Variants in RNF149 observed in about 807,000 individuals in gnomAD.
RNF149 encodes E3 ubiquitin-protein ligase RNF149.
In RNF149, 21 loss-of-function variants were observed where a neutral mutation model predicts 39.0. The observed-to-expected ratio is 0.54, with a 90% CI of 0.38 to 0.77. RNF149 has a LOEUF of 0.77. Among genes scored for constraint, RNF149 ranks in the 30% least tolerant of loss-of-function variants. RNF149 has a pLI of 0.00. For missense variants in RNF149, 493 were observed against 534.9 expected (o/e 0.92, Z 0.77); for synonymous variants, 209 against 213.6 (o/e 0.98, Z 0.19).
At chr2:101,284,300 C>T (rs1328271161) in intron 5 of RNF149, among the ~76,000 whole-genome samples, 1 of 152,176 alleles carries the variant, frequency 6.6e-6, no homozygotes, top group Non-Finnish European at 1.5e-5. Flanking sequence ...AATTCAGTGG[C>T]CAGGTGCAAT....
intron 1 of RNF149, among the ~76,000 whole-genome samples, chr2:101,295,535 C>T (rs760851136): frequency 4.6e-5 from 7 of 151,902 alleles, no homozygotes; most frequent in Non-Finnish European, 1.0e-4. Context: ...GTGGTGTGCG[C>T]CTGTAATCCC....
chr2:101,298,784 C>T (rs1042670046), intron 1 of RNF149, among the ~76,000 whole-genome samples: 3 of 152,176 alleles, frequency 2.0e-5, no homozygotes, highest in African/African-American at 4.8e-5. Flanking sequence ...AGAGGCGCTT[C>T]GGGATGCAGG....
Position 101,288,996 on chromosome 2 carries a change from A to C in RNF149, c.840T>G (p.Asp280Glu). 8.9e-6 allele frequency: 14 copies of C among 1,574,836 alleles called. No homozygotes were observed. The highest frequency in any genetic ancestry group is 1.2e-5 in the Non-Finnish European group (14 of 1,146,058). ...AVCIENFKVKDIIRILPCKHI... is the reference protein window; with the variant it reads ...AVCIENFKVKEIIRILPCKHI... The stretch of plus-strand genomic sequence containing the variant: ...ACTTGCATGGCAGAATTCTAATAAT[A>C]TCCTTTACTTTGAAATTTTCAATAC... Residue 280 changes from aspartate (D) to glutamate (E), a missense_variant, in exon 4 of 7, where the codon GAT (aspartate) becomes GAG (glutamate). By Grantham distance (45) the Asp-to-Glu change is conservative. Coordinates refer to ENST00000295317, the MANE Select transcript of RNF149 (RefSeq NM_173647.4).
chr2:101,287,382 T>C (rs1451521561), intron 4 of RNF149, among the ~76,000 whole-genome samples: 4 of 152,102 alleles, frequency 2.6e-5, no homozygotes, highest in Admixed American at 6.5e-5. Flanking sequence ...AAAAGGAACA[T>C]GTTGGTTTTA....
At chr2:101,303,828 G>A (rs926101011) in intron 1 of RNF149, among the ~76,000 whole-genome samples, 1 of 151,834 alleles carries the variant, frequency 6.6e-6, no homozygotes, top group Non-Finnish European at 1.5e-5. Flanking sequence ...ATACCTCTTT[G>A]TAACCTCCCC....
chr2:101,308,031 G>C, intron 1 of RNF149, 98 bp downstream of exon 1: 1 of 1,496,732 alleles, frequency 6.7e-7, no homozygotes, highest in Non-Finnish European at 8.9e-7. Context: ...AGCCGTGCCA[G>C]GCCCGCTTCG....
rs1683544672 is a variant in RNF149, at chr2:101,303,638, T to C, written c.460+4491A>G. Among the ~76,000 whole-genome samples the C allele has an allele frequency of 1.3e-5, 2 of 152,140 alleles. 1 individual carries two copies. Among genetic ancestry groups the C allele is most frequent in the African/African-American group, 4.8e-5 (2 of 41,430 alleles). ...TTATACCTCTTATCAATAGGAGGGA[T>C]TTCTCATACCTCTTTGTAACCTCCC... On this transcript the variant is annotated intron_variant, in intron 1 of 6. Transcript: ENST00000295317.
chr2:101,279,190 G>C (rs1682479220), intron 6 of RNF149, among the ~76,000 whole-genome samples: 1 of 152,204 alleles, frequency 6.6e-6, no homozygotes, highest in Non-Finnish European at 1.5e-5. Context: ...ATACGGGGTG[G>C]GGTGGGGACA....
chr2:101,294,922 C>G lies in RNF149; in HGVS notation c.711+9G>C, dbSNP rs756950639. The G allele has an allele frequency of 1.3e-6, 2 of 1,596,362 alleles. No homozygotes were observed. Among genetic ancestry groups the G allele is most frequent in the Non-Finnish European group, 1.7e-6 (2 of 1,167,444 alleles). ...TTAAAAAGCAAAATTCAGAGTTATC[C>G]ATCATTACCTGACTTCCAATCTGAG... is the stretch of plus-strand genomic sequence containing the variant. On this transcript the variant is annotated intron_variant, in intron 2 of 6. Coordinates refer to ENST00000295317, the MANE Select transcript of RNF149 (RefSeq NM_173647.4).
Position 101,277,183 on chromosome 2 carries a change from A to C in RNF149, c.*55T>G. ...TATGTGCTAAAGTAAAAAAAATAAA[A>C]TGTCCTTTAGTTCAAGCCAAACTTC... On this transcript the variant is annotated 3_prime_UTR_variant, in exon 7 of 7. Coordinates refer to ENST00000295317, the MANE Select transcript of RNF149 (RefSeq NM_173647.4). 6.2e-7 allele frequency: 1 copy of C among 1,600,424 alleles called. No homozygotes were observed. The highest frequency in any genetic ancestry group is 8.5e-7 in the Non-Finnish European group (1 of 1,171,926).
Position 101,299,668 on chromosome 2 carries a change from C to T in RNF149, c.461-4487G>A, listed in dbSNP as rs541458293. Among the ~76,000 whole-genome samples the T allele has an allele frequency of 1.7e-3, 264 of 152,318 alleles. 1 individual carries two copies. The highest frequency in any genetic ancestry group is 6.8e-3 in the Middle Eastern group (2 of 294). On this transcript the variant is annotated intron_variant, in intron 1 of 6. Coordinates refer to ENST00000295317, the MANE Select transcript of RNF149 (RefSeq NM_173647.4). ...CCCACCTCAGTTAAAAGCTTTTACA[C>T]AGAAAACTAAACTATGCTATGATGA... is the stretch of plus-strand genomic sequence containing the variant.
At chr2:101,297,950 A>T (rs368314831) in intron 1 of RNF149, among the ~76,000 whole-genome samples, 21 of 152,344 alleles carry the variant, frequency 1.4e-4, no homozygotes, top group African/African-American at 5.1e-4. Flanking sequence ...CTGATACACT[A>T]TACTGGCAAA....
chr2:101,294,166 A>C (rs1573246003), intron 2 of RNF149, 84 bp from the exon 3 acceptor site: 1 of 745,124 alleles, frequency 1.3e-6, no homozygotes, highest in East Asian at 2.6e-5. Context: ...TATAATACAC[A>C]TAAGCATACA....
chr2:101,292,343 G>T (rs1300150988), intron 3 of RNF149, among the ~76,000 whole-genome samples: 1 of 152,088 alleles, frequency 6.6e-6, no homozygotes, highest in Non-Finnish European at 1.5e-5. Flanking sequence ...CAACTTTCAA[G>T]AAACAGGCCC....
At position 101,277,261 on chromosome 2, in the gene RNF149, G is replaced by A. The variant is rs748563357; in HGVS notation, c.1180C>T (p.Arg394Trp). 16 of 1,613,250 alleles carry A rather than the reference G, an allele frequency of 9.9e-6. No individual in the cohort carries two copies. Among genetic ancestry groups the A allele is most frequent in the African/African-American group, 4.0e-5 (3 of 74,870 alleles). The stretch of plus-strand genomic sequence containing the variant: ...TGCTAGGAGATGGGTCCTCCATGCC[G>A]AGAGTCACTCCTGCCGGCTTCTGCA... ...ALLEAGRSDS[R>W]HGGPIS Residue 394 changes from arginine to tryptophan, a missense_variant, in exon 7 of 7, where the codon CGG becomes TGG. Coordinates refer to ENST00000295317, the MANE Select transcript of RNF149 (RefSeq NM_173647.4).
At position 101,286,186 on chromosome 2, in the gene RNF149, A is replaced by T; in HGVS notation, c.864-9T>A. 3 of 1,490,784 alleles carry T rather than the reference A, an allele frequency of 2.0e-6. No individual in the cohort carries two copies. Among genetic ancestry groups the T allele is most frequent in the Non-Finnish European group, 2.8e-6 (3 of 1,069,462 alleles). 92.3% of individuals were successfully genotyped at this position (1,490,784 alleles called of 1,614,324 possible). On this transcript the variant is annotated splice_polypyrimidine_tract_variant and intron_variant, in intron 4 of 6. Coordinates refer to ENST00000295317, the MANE Select transcript of RNF149 (RefSeq NM_173647.4). Reference sequence around the variant, plus strand: ...TTCTATGAAAAATATGCCTAAAAAGATTAAGTATGTGTTAATGTTTTTAAA... The same window carrying T: ...TTCTATGAAAAATATGCCTAAAAAGTTTAAGTATGTGTTAATGTTTTTAAA...
chr2:101,305,149 A>G (rs1683607538), intron 1 of RNF149, among the ~76,000 whole-genome samples: 1 of 152,028 alleles, frequency 6.6e-6, no homozygotes, highest in East Asian at 1.9e-4. Flanking sequence ...CTAGTATTCA[A>G]TTTTACAGGC....
intron 1 of RNF149, among the ~76,000 whole-genome samples, chr2:101,300,810 G>C (rs997192706): frequency 6.6e-6 from 1 of 152,232 alleles, no homozygotes; most frequent in African/African-American, 2.4e-5. Flanking sequence ...CATTTCAGGG[G>C]ATGAACTGGA....
chr2:101,273,379 T>A (rs1182877258), downstream of RNF149: 1 of 470,804 alleles, frequency 2.1e-6, no homozygotes, highest in South Asian at 1.6e-5. Flanking sequence ...ATGTGGTAAA[T>A]AATATAACAA....
Sources: allele counts gnomAD v4.1 joint callset (sites outside exome capture counted in the v4.1 genomes callset), GRCh38; gene constraint gnomAD v4.1.1; transcripts MANE v1.5; gene names NCBI Gene and HGNC (gene_info 2026-07-23, HGNC 2026-07-21).